Variants in RIMS1 observed in about 807,000 individuals in gnomAD.
The protein encoded by RIMS1 is regulating synaptic membrane exocytosis protein 1.
A neutral mutation model predicts 214.1 loss-of-function variants in RIMS1; 83 were observed. The observed-to-expected ratio is 0.39, with a 90% confidence interval of 0.32 to 0.47. The LOEUF is 0.47. Among genes scored for constraint, RIMS1 ranks in the 20% least tolerant of loss-of-function variants. The pLI is 0.99. For missense variants in RIMS1, 2,050 were observed against 2,161.8 expected (o/e 0.95, Z 1.03); for synonymous variants, 793 against 786.8 (o/e 1.01, Z -0.13).
intron 30 of RIMS1, among the ~76,000 whole-genome samples, chr6:72,392,228 G>T (rs2098713875): frequency 6.6e-6 from 1 of 152,092 alleles, no homozygotes; most frequent in South Asian, 2.1e-4. Flanking sequence ...CCAAATAAAA[G>T]TCTCAAATAA....
intron 29 of RIMS1, among the ~76,000 whole-genome samples, chr6:72,344,788 GTA>G (rs1392029409): frequency 6.6e-6 from 1 of 151,688 alleles, no homozygotes; most frequent in African/African-American, 2.4e-5. Flanking sequence ...ATAAGGATTA[GTA>G]TTTTCAAACA....
At chr6:71,968,436 A>G (rs1327358957) in intron 1 of RIMS1, among the ~76,000 whole-genome samples, 1 of 152,182 alleles carries the variant, frequency 6.6e-6, no homozygotes, top group Non-Finnish European at 1.5e-5. Flanking sequence ...CTCTTTATAT[A>G]TGAACATTTC....
chr6:72,308,426 T>G (rs1234949150), intron 27 of RIMS1, among the ~76,000 whole-genome samples: 1 of 152,100 alleles, frequency 6.6e-6, no homozygotes, highest in Non-Finnish European at 1.5e-5. Context: ...ATCAACAAAC[T>G]CTTTGGGAGG....
At chr6:72,127,268 C>T (rs1007421874) in intron 4 of RIMS1, among the ~76,000 whole-genome samples, 3 of 151,032 alleles carry the variant, frequency 2.0e-5, no homozygotes, top group African/African-American at 4.9e-5. Context: ...TATCTGCATT[C>T]TTCTTTCTCA....
At chr6:72,136,942 C>G (rs899663115) in intron 4 of RIMS1, among the ~76,000 whole-genome samples, 1 of 151,932 alleles carries the variant, frequency 6.6e-6, no homozygotes, top group East Asian at 1.9e-4. Context: ...TAATAAAAAT[C>G]AAGGAATGGG....
At chr6:71,927,821 G>A (rs1781970079) in intron 1 of RIMS1, among the ~76,000 whole-genome samples, 1 of 152,024 alleles carries the variant, frequency 6.6e-6, no homozygotes, top group Non-Finnish European at 1.5e-5. Flanking sequence ...TATAATATTT[G>A]AAAAATAGAA....
In RIMS1 at chr6:72,233,855, A is replaced by T; in HGVS notation, c.1746+15A>T. The T allele has an allele frequency of 6.4e-7, 1 of 1,554,868 alleles. No individual in the cohort carries two copies. Among genetic ancestry groups the T allele is most frequent in the Non-Finnish European group, 8.7e-7 (1 of 1,143,108 alleles). On this transcript the variant is annotated intron_variant, in intron 7 of 33. Coordinates refer to ENST00000521978, the MANE Select transcript of RIMS1 (RefSeq NM_014989.7). ...CTATTAGTTCGGTAAGTTTTCTGGA[A>T]AGTGTGTTTGGAGTTTAGGGAATAT...
At chr6:72,396,176 CA>C (rs1358924906) in intron 31 of RIMS1, among the ~76,000 whole-genome samples, 1 of 151,326 alleles carries the variant, frequency 6.6e-6, no homozygotes, top group Non-Finnish European at 1.5e-5. Flanking sequence ...CTTAAGTATC[CA>C]AAAAAATGTT....
chr6:71,937,000 G>C (rs1359181869), intron 1 of RIMS1, among the ~76,000 whole-genome samples: 1 of 152,208 alleles, frequency 6.6e-6, no homozygotes, highest in Non-Finnish European at 1.5e-5. Flanking sequence ...CTTGAGAAGA[G>C]GCATCACTCT....
At chr6:72,032,865 C>T (rs371574606) in intron 2 of RIMS1, among the ~76,000 whole-genome samples, 2 of 152,118 alleles carry the variant, frequency 1.3e-5, no homozygotes, top group African/African-American at 4.8e-5. Flanking sequence ...GGAAAACAGA[C>T]ATGTGGACAC....
At chr6:72,376,530 G>A (rs145522225) in intron 29 of RIMS1, among the ~76,000 whole-genome samples, 1 of 152,274 alleles carries the variant, frequency 6.6e-6, no homozygotes, top group African/African-American at 2.4e-5. Context: ...GAGGCAGGCA[G>A]ATATCGGGAG....
intron 29 of RIMS1, among the ~76,000 whole-genome samples, chr6:72,343,634 T>C (rs1169439178): frequency 6.6e-6 from 1 of 150,926 alleles, no homozygotes; most frequent in African/African-American, 2.4e-5. Flanking sequence ...AATATGGCTC[T>C]AAATGGCTTT....
intron 1 of RIMS1, among the ~76,000 whole-genome samples, chr6:71,961,890 T>C (rs1210607153): frequency 6.6e-6 from 1 of 152,160 alleles, no homozygotes; most frequent in East Asian, 1.9e-4. Flanking sequence ...TGCAGGTTAG[T>C]AAGTAGAAAA....
rs187415693 is a variant in RIMS1, at chr6:72,171,113, G to C, written c.472-8462G>C. On this transcript the variant is annotated intron_variant, in intron 4 of 33. Coordinates refer to ENST00000521978, the MANE Select transcript of RIMS1 (RefSeq NM_014989.7). ...AGGGCTGCTCCTTAACCATGATTCA[G>C]TATTCATTGCTGCCTCTTACCTGCC... Among the ~76,000 whole-genome samples the C allele has an allele frequency of 1.1e-3, 171 of 152,086 alleles. 2 individuals are homozygous for C. The highest frequency in any genetic ancestry group is 3.9e-3 in the African/African-American group (162 of 41,504).
intron 1 of RIMS1, among the ~76,000 whole-genome samples, chr6:71,912,256 TAAC>T (rs1167665213): frequency 6.6e-6 from 1 of 152,142 alleles, no homozygotes; most frequent in Non-Finnish European, 1.5e-5. Context: ...TTGTTTAAGA[TAAC>T]ACATTTTTGA....
intron 2 of RIMS1, among the ~76,000 whole-genome samples, chr6:72,057,843 GAAACTGTCCCAGGC>G (rs1181924455): frequency 6.6e-6 from 1 of 152,134 alleles, no homozygotes; most frequent in South Asian, 2.1e-4. Flanking sequence ...TATCCCAACA[GAAACTGTCCCAGGC>G]AAACTGGGAT....
intron 6 of RIMS1, among the ~76,000 whole-genome samples, chr6:72,188,092 G>T (rs1229997728): frequency 6.6e-6 from 1 of 152,180 alleles, no homozygotes; most frequent in African/African-American, 2.4e-5. Flanking sequence ...TTCTGGCCGT[G>T]CTGGGAACTG....
intron 4 of RIMS1, among the ~76,000 whole-genome samples, chr6:72,106,527 T>A (rs552241595): frequency 6.6e-6 from 1 of 152,288 alleles, no homozygotes; most frequent in East Asian, 1.9e-4. Flanking sequence ...AAACCAGGAA[T>A]GACAATCACA....
At chr6:72,227,866 A>C (rs2060686711) in intron 6 of RIMS1, among the ~76,000 whole-genome samples, 1 of 152,002 alleles carries the variant, frequency 6.6e-6, no homozygotes, top group South Asian at 2.1e-4. Flanking sequence ...GAATTATCAA[A>C]GTTACATATC....
Sources: gnomAD v4.1 joint callset for allele counts (sites outside exome capture counted in the v4.1 genomes callset) on GRCh38, gnomAD v4.1.1 for gene constraint, MANE v1.5 for transcripts, NCBI Gene and HGNC (gene_info 2026-07-23, HGNC 2026-07-21) for gene names.